SLC28A2: variants seen among roughly 807,000 people sequenced by gnomAD.
SLC28A2 encodes solute carrier family 28 member 2, also known as sodium/nucleoside cotransporter 2.
A neutral mutation model predicts 72.9 loss-of-function variants in SLC28A2; 69 were observed. The observed-to-expected ratio is 0.95, with a 90% confidence interval of 0.78 to 1.16. The LOEUF is 1.16. Among genes scored for constraint, SLC28A2 ranks in the 50% most tolerant of loss-of-function variants. The pLI, the probability that SLC28A2 is intolerant of heterozygous loss-of-function variation, is 0.00. For missense variants in SLC28A2, 745 were observed against 791.1 expected (o/e 0.94, Z 0.70); for synonymous variants, 296 against 294.1 (o/e 1.01, Z -0.07).
intron 10 of SLC28A2, among the ~76,000 whole-genome samples, chr15:45,266,896 G>C (rs1034085123): frequency 6.6e-6 from 1 of 152,148 alleles, no homozygotes; most frequent in Non-Finnish European, 1.5e-5. Context: ...GCAGTGCTAG[G>C]CACATAGTTG....
chr15:45,269,122 C>T (rs939270911), intron 13 of SLC28A2, among the ~76,000 whole-genome samples: 3 of 151,446 alleles, frequency 2.0e-5, no homozygotes, highest in Admixed American at 6.6e-5. Flanking sequence ...ACATATGTAA[C>T]TAACCTGCAC....
intron 14 of SLC28A2, 60 bp downstream of exon 14, chr15:45,269,595 T>C (rs565645595): frequency 4.1e-6 from 6 of 1,476,608 alleles, no homozygotes; most frequent in Non-Finnish European, 5.7e-6. Flanking sequence ...TATCTGAGGG[T>C]AGACAGAAAG....
At chr15:45,258,030 C>T (rs1900025944) in intron 3 of SLC28A2, among the ~76,000 whole-genome samples, 2 of 152,116 alleles carry the variant, frequency 1.3e-5, no homozygotes, top group South Asian at 4.1e-4. Context: ...TTGAGACCAG[C>T]CTGGCCAACA....
intron 4 of SLC28A2, among the ~76,000 whole-genome samples, chr15:45,262,397 G>A (rs1048438899): frequency 2.6e-5 from 4 of 152,114 alleles, no homozygotes; most frequent in East Asian, 1.9e-4. Flanking sequence ...TTGGTGGAGT[G>A]CATGATTCTT....
At chr15:45,253,981 G>A (rs1485935861) in intron 3 of SLC28A2, 1 of 154,470 alleles carries the variant, frequency 6.5e-6, no homozygotes, top group African/African-American at 2.4e-5. Context: ...AATAAAGACA[G>A]TAAAAAAGAT....
In SLC28A2 at chr15:45,276,002, T is replaced by C. The variant is rs1301996369; in HGVS notation, c.*489T>C. The C allele has an allele frequency of 6.6e-6, 1 of 152,322 alleles. No homozygotes were observed. The highest frequency in any genetic ancestry group is 2.4e-5 in the African/African-American group (1 of 41,392). The allele number at this position is 152,322 out of a possible 1,614,324, so 9.4% of individuals were successfully genotyped here. Reference sequence around the variant, plus strand: ...TCCCAATAACGAAAAATAGCTTTTGTTTTTCCATTATTTGGCTGAACCAAA... The same window carrying C: ...TCCCAATAACGAAAAATAGCTTTTGCTTTTCCATTATTTGGCTGAACCAAA... On this transcript the variant is annotated 3_prime_UTR_variant, in exon 18 of 18. Transcript: ENST00000347644.
chr15:45,263,606 C>A (rs1329812907), intron 5 of SLC28A2, among the ~76,000 whole-genome samples: 4 of 152,206 alleles, frequency 2.6e-5, no homozygotes, highest in Non-Finnish European at 5.9e-5. Context: ...TGGTGTCTCC[C>A]TTAGTTCCCT....
At chr15:45,273,852 A>G (rs1472908734) in intron 17 of SLC28A2, among the ~76,000 whole-genome samples, 1 of 152,228 alleles carries the variant, frequency 6.6e-6, no homozygotes, top group African/African-American at 2.4e-5. Flanking sequence ...GGCATAAGCA[A>G]GTGGGTCTAA....
intron 4 of SLC28A2, 30 bp from the exon 5 acceptor site, chr15:45,263,031 T>G: frequency 6.3e-7 from 1 of 1,589,202 alleles, no homozygotes; most frequent in Non-Finnish European, 8.6e-7. Flanking sequence ...ACTGCCTTGC[T>G]GATCTTTACT....
intron 7 of SLC28A2, 43 bp downstream of exon 7, chr15:45,264,811 T>C: frequency 8.4e-7 from 1 of 1,197,398 alleles, no homozygotes; most frequent in Non-Finnish European, 1.2e-6. Flanking sequence ...TTTAGAACCC[T>C]AGAGAAAGGA....
intron 6 of SLC28A2, among the ~76,000 whole-genome samples, chr15:45,264,429 T>A (rs1900262230): frequency 6.6e-6 from 1 of 152,234 alleles, no homozygotes; most frequent in Non-Finnish European, 1.5e-5. Context: ...TGTATAAGTG[T>A]CATCTAACCT....
In SLC28A2 at chr15:45,262,017, G is replaced by C; in HGVS notation, c.173G>C (p.Arg58Thr). Reference sequence around the variant, plus strand: ...CTTAACTTTTGGGTTCTTATTAGGAGGAGTCGGTGGCCTTTCAGCAAAGCA... The same window carrying C: ...CTTAACTTTTGGGTTCTTATTAGGACGAGTCGGTGGCCTTTCAGCAAAGCA... ...DGLGPSTYQR[R>T]SRWPFSKARS... Residue 58 changes from arginine (R) to threonine (T), a missense_variant and splice_region_variant, in exon 4 of 18, where the codon AGG becomes ACG. Arg to Thr is a moderately conservative substitution (Grantham distance 71, BLOSUM62 -1). Transcript: ENST00000347644. The C allele has an allele frequency of 6.2e-7, 1 of 1,608,728 alleles. No individual in the cohort carries two copies. The highest frequency in any genetic ancestry group is 1.1e-5 in the South Asian group (1 of 90,936).
chr15:45,264,166 TG>T, intron 6 of SLC28A2, 144 bp downstream of exon 6: 1 of 756,716 alleles, frequency 1.3e-6, no homozygotes, highest in Non-Finnish European at 1.9e-6. Context: ...TTGATAATTT[TG>T]TTTCTAAGAT....
rs1899848433 is a variant in SLC28A2 at position 45,253,134 on chromosome 15, A to G, written c.-16-66A>G. On this transcript the variant is annotated intron_variant, in intron 1 of 17. Transcript: ENST00000347644. ...TTTCCATGGGTAACTGGTCCTAAAA[A>G]TTCTCCCCATCCCCACAGAACAGAA... The G allele has an allele frequency of 3.8e-6, 4 of 1,047,332 alleles. No individual in the cohort carries two copies. In the East Asian group the frequency reaches 9.9e-5, roughly 26 times the overall value. 64.9% of individuals were successfully genotyped at this position (1,047,332 alleles called of 1,614,324 possible).
At chr15:45,254,561 AG>A (rs1357253480) in intron 3 of SLC28A2, among the ~76,000 whole-genome samples, 2 of 152,212 alleles carry the variant, frequency 1.3e-5, no homozygotes, top group Non-Finnish European at 2.9e-5. Context: ...TATACCATCT[AG>A]GTTTGCATAA....
In SLC28A2 at chr15:45,253,626, C is replaced by CAT. The variant is rs1337879340; in HGVS notation, c.170+115_170+116dup. The CAT allele has an allele frequency of 5.1e-5, 33 of 641,506 alleles. No individual in the cohort carries two copies. In the East Asian group the frequency reaches 7.7e-4, roughly 15 times the overall value. 39.7% of individuals were successfully genotyped at this position (641,506 alleles called of 1,614,324 possible). ...CAACCGCTCCACCTTACCATGTGTA[C>CAT]ATATATATATGTATCTTACATAATT... On this transcript the variant is annotated intron_variant, in intron 3 of 17. Transcript: ENST00000347644.
intron 7 of SLC28A2, 118 bp downstream of exon 7, chr15:45,264,886 G>T: frequency 1.3e-6 from 1 of 760,980 alleles, no homozygotes; most frequent in East Asian, 2.6e-5. Flanking sequence ...AGATCTGGTT[G>T]GGAAAGGAGA....
intron 13 of SLC28A2, 136 bp downstream of exon 13, chr15:45,268,514 A>G: frequency 1.4e-6 from 1 of 693,678 alleles, no homozygotes; most frequent in Non-Finnish European, 2.4e-6. Flanking sequence ...AAGTCAGGAA[A>G]CAACAGGTGC....
rs1900211091 is a variant in SLC28A2 at position 45,263,084 on chromosome 15, G to A, written c.286G>A (p.Ala96Thr). ...AGCCTATGCTGCCTATCTCCTGGCA[G>A]CTTGCATCTTGAATTTCCAGAGGGC... ...CLAYAAYLLA[A>T]CILNFQRALA... is the part of the protein sequence containing the mutation. The change falls in exon 5 of 18, where the codon GCT becomes ACT. Residue 96 changes from alanine (A) to threonine (T), a missense_variant. Ala to Thr is a moderately conservative substitution (Grantham distance 58). Transcript: ENST00000347644. 6.2e-7 allele frequency: 1 copy of A among 1,613,638 alleles called. No individual in the cohort carries two copies. Among genetic ancestry groups the A allele is most frequent in the East Asian group, 2.2e-5 (1 of 44,882 alleles).
Sources: allele counts gnomAD v4.1 joint callset (sites outside exome capture counted in the v4.1 genomes callset), GRCh38; gene constraint gnomAD v4.1.1; transcripts MANE v1.5; gene names NCBI Gene and HGNC (gene_info 2026-07-23, HGNC 2026-07-21).